The following SLC25A19 variants were observed in gnomAD, a reference collection of about 807,000 sequenced individuals.
SLC25A19 encodes the protein solute carrier family 25 member 19, also known as mitochondrial thiamine pyrophosphate carrier.
In SLC25A19, 18 loss-of-function variants were observed where a neutral mutation model predicts 27.9. The ratio of observed to expected loss-of-function variants is 0.64; its 90% CI spans 0.45 to 0.96. SLC25A19 has a LOEUF of 0.96. SLC25A19 is among the 40% of genes least tolerant of loss of function. The pLI, the probability that SLC25A19 is intolerant of heterozygous loss-of-function variation, is 0.00. For synonymous variants in SLC25A19, 169 were observed against 167.1 expected (o/e 1.01, Z -0.09); for missense variants, 371 against 418.3 (o/e 0.89, Z 0.99).
chr17:75,274,030 G>A (rs1471094873), intron 7 of SLC25A19: 2 of 302,960 alleles, frequency 6.6e-6, no homozygotes, highest in Non-Finnish European at 1.3e-5. Context: ...CCAATGTGCT[G>A]GGATTACAGG....
Sources: gnomAD v4.1 joint callset for allele counts on GRCh38, gnomAD v4.1.1 for gene constraint, MANE v1.5 for transcripts, NCBI Gene and HGNC (gene_info 2026-07-23, HGNC 2026-07-21) for gene names.